Variants in CDH13 observed in about 807,000 individuals in gnomAD.
The protein encoded by CDH13 is cadherin-13.
In CDH13, 24 loss-of-function variants were observed where a neutral mutation model predicts 63.8. The observed-to-expected ratio is 0.38, with a 90% confidence interval of 0.27 to 0.53. CDH13 has a LOEUF of 0.53. Among genes scored for constraint, CDH13 ranks in the 20% least tolerant of loss-of-function variants. The pLI is 0.85. For missense variants in CDH13, 1,049 were observed against 903.1 expected, an observed-to-expected ratio of 1.16 and a Z score of -2.07; for synonymous variants, 503 against 355.3, an observed-to-expected ratio of 1.42 and a Z score of -4.67.
In CDH13 at chr16:83,218,336, T is replaced by C. The variant is rs577435800; in HGVS notation, c.636+839T>C. On this transcript the variant is annotated intron_variant, in intron 5 of 13. Transcript: ENST00000567109. ...CAATGCGCTCAAGGGTCTCAGGCCC[T>C]GGGAGGATGCGGGTGCTTTCCAGAT... Among the ~76,000 whole-genome samples, 3 of 152,248 alleles carry C rather than the reference T, an allele frequency of 2.0e-5. No homozygotes were observed. In the South Asian group the frequency reaches 6.2e-4, roughly 32 times the overall value.
At position 83,345,013 on chromosome 16, in the gene CDH13, C is replaced by G; in HGVS notation, c.781+7C>G. 1.2e-6 allele frequency: 2 copies of G among 1,613,444 alleles called. No homozygotes were observed. The highest frequency in any genetic ancestry group is 1.7e-6 in the Non-Finnish European group (2 of 1,179,526). On this transcript the variant is annotated splice_region_variant and intron_variant, in intron 6 of 13. Coordinates refer to ENST00000567109, the MANE Select transcript of CDH13 (RefSeq NM_001257.5). ...ATGGAAGGGTCACCCACAGGTATGT[C>G]ACATTGGCTTACCTTTAGCGTAATG...
intron 1 of CDH13, among the ~76,000 whole-genome samples, chr16:82,641,150 C>T (rs964611006): frequency 2.0e-4 from 31 of 152,238 alleles, no homozygotes; most frequent in African/African-American, 3.9e-4. Context: ...AGCTCATTTC[C>T]GAATGGTCCC....
At chr16:83,111,349 A>T (rs943654836) in intron 3 of CDH13, among the ~76,000 whole-genome samples, 1 of 152,306 alleles carries the variant, frequency 6.6e-6, no homozygotes, top group African/African-American at 2.4e-5. Context: ...AAAATAAGTG[A>T]TTACACTTAA....
At chr16:82,996,653 C>T (rs72792150) in intron 2 of CDH13, among the ~76,000 whole-genome samples, 19,214 of 152,076 alleles carry the variant, frequency 0.13, 1,582 homozygotes, top group African/African-American at 0.23. Context: ...AATGAGGTAA[C>T]TGCAACTTGG....
intron 5 of CDH13, among the ~76,000 whole-genome samples, chr16:83,313,014 C>T (rs866155954): frequency 1.8e-4 from 27 of 152,192 alleles, no homozygotes; most frequent in African/African-American, 6.5e-4. Context: ...GATGCAGCTT[C>T]TACAAGTGCA....
In CDH13 at chr16:83,214,449, G is replaced by A. The variant is rs372050495; in HGVS notation, c.484-2896G>A. On this transcript the variant is annotated intron_variant, in intron 4 of 13. Coordinates refer to ENST00000567109, the MANE Select transcript of CDH13 (RefSeq NM_001257.5). Reference sequence around the variant, plus strand: ...ATAAAAATTAGCCAGGCATGGTGGCGTGTGCCTGTAGTTCCACCTACTTAG... The same window carrying A: ...ATAAAAATTAGCCAGGCATGGTGGCATGTGCCTGTAGTTCCACCTACTTAG... 1.6e-4 allele frequency among the ~76,000 whole-genome samples: 24 copies of A among 151,654 alleles called. No homozygotes were observed. In the East Asian group the frequency reaches 2.5e-3, roughly 16 times the overall value.
intron 1 of CDH13, among the ~76,000 whole-genome samples, chr16:82,648,811 T>C (rs1177285700): frequency 6.6e-6 from 1 of 152,158 alleles, no homozygotes; most frequent in Non-Finnish European, 1.5e-5. Flanking sequence ...AGTGAAAGTT[T>C]TAAAGAAGGG....
intron 7 of CDH13, among the ~76,000 whole-genome samples, chr16:83,584,869 G>C (rs1418707407): frequency 1.3e-5 from 2 of 152,092 alleles, no homozygotes; most frequent in African/African-American, 2.4e-5. Context: ...CAAAGCGGGA[G>C]TGGGCACGTC....
In CDH13 at chr16:83,127,733, A is replaced by G. The variant is rs1043958988; in HGVS notation, c.483+2232A>G. On this transcript the variant is annotated intron_variant, in intron 4 of 13. Transcript: ENST00000567109. ...CAGGGTGAGACTCTGTGTCAAACAA[A>G]CACACAAACAAAAAATCGATCTTTA... Among the ~76,000 whole-genome samples, 14 of 152,282 alleles carry G rather than the reference A, an allele frequency of 9.2e-5. No homozygotes were observed. The South Asian group carries it at 2.5e-3, about 27-fold the overall frequency.
At chr16:82,739,201 A>C (rs16958422) in intron 1 of CDH13, among the ~76,000 whole-genome samples, 2 of 148,698 alleles carry the variant, frequency 1.3e-5, no homozygotes, top group African/African-American at 4.9e-5. Context: ...TGATTTTACT[A>C]TTATATTTTT....
rs546570340 is a variant in CDH13 at position 83,232,638 on chromosome 16, C to G, written c.636+15141C>G. 2.3e-4 allele frequency among the ~76,000 whole-genome samples: 35 copies of G among 152,160 alleles called. No homozygotes were observed. In the South Asian group the frequency reaches 5.4e-3, roughly 23 times the overall value. ...ATGTTATACGCCTGCATCCCCTTTG[C>G]CTTCCACCATGATTGTAAGTTTCCT... On this transcript the variant is annotated intron_variant, in intron 5 of 13. Transcript: ENST00000567109.
At chr16:83,712,964 C>T (rs1281464167) in intron 10 of CDH13, among the ~76,000 whole-genome samples, 3 of 152,288 alleles carry the variant, frequency 2.0e-5, no homozygotes, top group Admixed American at 6.5e-5. Flanking sequence ...TTCTGAGCCA[C>T]GTTAAAGAAA....
chr16:82,766,792 A>G (rs985174873), intron 1 of CDH13, among the ~76,000 whole-genome samples: 2 of 152,210 alleles, frequency 1.3e-5, no homozygotes, highest in African/African-American at 4.8e-5. Context: ...TCCTTTGACT[A>G]TATAATATAA....
chr16:82,872,871 G>A (rs2040391583), intron 2 of CDH13, among the ~76,000 whole-genome samples: 1 of 152,226 alleles, frequency 6.6e-6, no homozygotes. Flanking sequence ...CCTGTGCTAA[G>A]TATAAGGGAT....
intron 10 of CDH13, among the ~76,000 whole-genome samples, chr16:83,704,899 C>T (rs1471278905): frequency 6.6e-6 from 1 of 152,240 alleles, no homozygotes; most frequent in Non-Finnish European, 1.5e-5. Flanking sequence ...CAACACAGGG[C>T]AGAGGCCAGT....
intron 10 of CDH13, among the ~76,000 whole-genome samples, chr16:83,707,782 A>G (rs1406711872): frequency 1.4e-5 from 2 of 145,812 alleles, no homozygotes. Flanking sequence ...GAGATGAAAT[A>G]ATGAAGTTAA....
intron 1 of CDH13, among the ~76,000 whole-genome samples, chr16:82,768,340 T>C (rs946538913): frequency 6.6e-6 from 1 of 152,242 alleles, no homozygotes; most frequent in Non-Finnish European, 1.5e-5. Context: ...GCAATTAGTT[T>C]CATTGATATT....
At chr16:83,765,532 A>G (rs1914313803) in intron 11 of CDH13, among the ~76,000 whole-genome samples, 5 of 85,184 alleles carry the variant, frequency 5.9e-5, no homozygotes, top group Middle Eastern at 5.0e-3. Context: ...TACTATTAAC[A>G]TTTTTCTATA....
Position 82,905,432 on chromosome 16 carries a change from C to CGTGTGT in CDH13, c.157+46990_157+46995dup, listed in dbSNP as rs140795057. ...CTTGGGTGTTATACCATGAATCACA[C>CGTGTGT]GTGTGTGTGTGTGTGTGTGTGTGTG... is the stretch of plus-strand genomic sequence containing the variant. On this transcript the variant is annotated intron_variant, in intron 2 of 13. Coordinates refer to ENST00000567109, the MANE Select transcript of CDH13 (RefSeq NM_001257.5). Among the ~76,000 whole-genome samples the CGTGTGT allele has an allele frequency of 2.9e-3, 421 of 143,610 alleles. 1 individual carries two copies. Among genetic ancestry groups the CGTGTGT allele is most frequent in the Admixed American group, 3.7e-3 (55 of 14,750 alleles). The allele number at this position is 143,610 out of a possible 152,430, so 94.2% of individuals were successfully genotyped here.
Sources: allele counts gnomAD v4.1 joint callset (sites outside exome capture counted in the v4.1 genomes callset), GRCh38; gene constraint gnomAD v4.1.1; transcripts MANE v1.5; gene names NCBI Gene and HGNC (gene_info 2026-07-23, HGNC 2026-07-21).